Variants in NALCN observed in about 807,000 individuals in gnomAD.
The protein encoded by NALCN is sodium leak channel NALCN.
Under a neutral mutation model 225.3 loss-of-function variants are expected in NALCN, and 111 were observed. That is an observed-to-expected ratio of 0.49 (90% CI 0.42 to 0.58). The LOEUF (loss-of-function observed/expected upper bound fraction) is 0.58. Ranked by LOEUF, NALCN falls within the 20% of genes least tolerant of loss-of-function variation. The pLI is 0.00. For missense variants in NALCN, 1,378 were observed against 2,202.4 expected, an observed-to-expected ratio of 0.63 and a Z score of 7.49; for synonymous variants, 764 against 769.0, an observed-to-expected ratio of 0.99 and a Z score of 0.11.
At chr13:101,131,077 T>C (rs377569209) in intron 17 of NALCN, among the ~76,000 whole-genome samples, 2 of 152,274 alleles carry the variant, frequency 1.3e-5, no homozygotes, top group African/African-American at 4.8e-5. Flanking sequence ...TTCTCACTTT[T>C]GAATCATCTG....
At chr13:101,203,294 C>T (rs544994784) in intron 13 of NALCN, among the ~76,000 whole-genome samples, 1 of 152,320 alleles carries the variant, frequency 6.6e-6, no homozygotes, top group Non-Finnish European at 1.5e-5. Flanking sequence ...TGGCTCACTG[C>T]AACCTCCACC....
At chr13:101,298,388 C>T (rs1237365944) in intron 7 of NALCN, among the ~76,000 whole-genome samples, 4 of 150,460 alleles carry the variant, frequency 2.7e-5, no homozygotes, top group Admixed American at 2.0e-4. Flanking sequence ...GTGGCTTGAT[C>T]TCAACGCACT....
chr13:101,179,237 C>T (rs2039090142), intron 14 of NALCN, among the ~76,000 whole-genome samples: 1 of 152,176 alleles, frequency 6.6e-6, no homozygotes, highest in Non-Finnish European at 1.5e-5. Flanking sequence ...CACGTGGCAA[C>T]TGCCAGCCCA....
intron 3 of NALCN, 131 bp downstream of exon 3, chr13:101,395,051 TA>T (rs1555346190): frequency 1.2e-6 from 1 of 834,282 alleles, no homozygotes; most frequent in Non-Finnish European, 1.7e-6. Flanking sequence ...TATGCCTTTT[TA>T]AAAAGGACTT....
chr13:101,177,157 T>C (rs1409092883), intron 14 of NALCN, among the ~76,000 whole-genome samples: 7 of 152,104 alleles, frequency 4.6e-5, no homozygotes, highest in African/African-American at 1.2e-4. Context: ...AAAGAGGCAC[T>C]CCAGCCCTAG....
At position 101,331,599 on chromosome 13, in the gene NALCN, T is replaced by C. The variant is rs574127640; in HGVS notation, c.799+13667A>G. Among the ~76,000 whole-genome samples the C allele has an allele frequency of 5.9e-5, 9 of 152,218 alleles. No individual in the cohort carries two copies. The East Asian group carries it at 1.5e-3, about 26-fold the overall frequency. On this transcript the variant is annotated intron_variant, in intron 7 of 43. Coordinates refer to ENST00000251127, the MANE Select transcript of NALCN (RefSeq NM_052867.4). Reference sequence around the variant, plus strand: ...TTTGGGTACACACTGTGAAGAACTATCCACTTTTAACTGTTGCACCTTGAG... The same window carrying C: ...TTTGGGTACACACTGTGAAGAACTACCCACTTTTAACTGTTGCACCTTGAG...
chr13:101,105,061 C>A, intron 22 of NALCN, 111 bp from the exon 23 acceptor site: 2 of 832,384 alleles, frequency 2.4e-6, no homozygotes, highest in Non-Finnish European at 3.9e-6. Flanking sequence ...TACAGCCTCT[C>A]TACAATGTCC....
At chr13:101,273,895 A>G (rs2042886176) in intron 10 of NALCN, among the ~76,000 whole-genome samples, 1 of 151,648 alleles carries the variant, frequency 6.6e-6, no homozygotes, top group African/African-American at 2.4e-5. Flanking sequence ...AAAAAAAAAA[A>G]AAAAAAAAAA....
At chr13:101,366,211 C>T (rs1310985127) in intron 6 of NALCN, among the ~76,000 whole-genome samples, 7 of 152,142 alleles carry the variant, frequency 4.6e-5, no homozygotes, top group Non-Finnish European at 8.8e-5. Context: ...TGCCTTAGGT[C>T]TCCATTCATT....
chr13:101,240,795 T>C (rs114510964), intron 11 of NALCN, among the ~76,000 whole-genome samples: 2,257 of 152,294 alleles, frequency 0.015, 23 homozygotes, highest in South Asian at 0.028. Context: ...TAACCTTTAA[T>C]TCACTGAGGC....
chr13:101,271,255 T>C (rs957434294), intron 10 of NALCN, among the ~76,000 whole-genome samples: 17 of 151,966 alleles, frequency 1.1e-4, no homozygotes. Flanking sequence ...GGTCATCTGG[T>C]GTCTATTCTA....
At chr13:101,106,470 T>C (rs2035107701) in intron 22 of NALCN, among the ~76,000 whole-genome samples, 1 of 152,190 alleles carries the variant, frequency 6.6e-6, no homozygotes, top group Non-Finnish European at 1.5e-5. Context: ...AGTTTTCTCA[T>C]TTCCTCCATG....
chr13:101,396,218 C>T (rs1327964806), intron 2 of NALCN, among the ~76,000 whole-genome samples: 3 of 151,932 alleles, frequency 2.0e-5, no homozygotes, highest in Non-Finnish European at 2.9e-5. Context: ...ACAGGACATA[C>T]AATCACTCAT....
At chr13:101,336,850 G>C (rs567171105) in intron 7 of NALCN, among the ~76,000 whole-genome samples, 1 of 152,174 alleles carries the variant, frequency 6.6e-6, no homozygotes, top group Admixed American at 6.5e-5. Context: ...AATGCATGTA[G>C]CTATACATTA....
In NALCN at chr13:101,107,548, C is replaced by T. The variant is rs1487001387; in HGVS notation, c.2518G>A (p.Val840Ile). 1 of 1,614,152 alleles carries T rather than the reference C, an allele frequency of 6.2e-7. No homozygotes were observed. The highest frequency in any genetic ancestry group is 8.5e-7 in the Non-Finnish European group (1 of 1,179,998). The change falls in exon 22 of 44, where the codon GTC becomes ATC. Residue 840 changes from valine to isoleucine, a missense_variant. By Grantham distance (29) the Val-to-Ile change is conservative (BLOSUM62 3). Around this residue, in one of 19 missense-constraint regions of NALCN, gnomAD observed 292 missense variants for 409.5 expected, o/e 0.71. Coordinates refer to ENST00000251127, the MANE Select transcript of NALCN (RefSeq NM_052867.4). ...HPYFDKPLFIVGREHRFRNFC... is the reference protein window; with the variant it reads ...HPYFDKPLFIIGREHRFRNFC... ...TTTCTGAACCTGTGTTCTCGCCCGA[C>T]AATGAACAGTGGCTTATCGAAGTAT...
At chr13:101,209,421 G>A (rs114852511) in intron 13 of NALCN, among the ~76,000 whole-genome samples, 303 of 152,184 alleles carry the variant, frequency 2.0e-3, no homozygotes, top group African/African-American at 7.0e-3. Flanking sequence ...CGCTTGGTCC[G>A]GGATTCTGGG....
chr13:101,399,309 T>G (rs999540168), intron 1 of NALCN, 144 bp from the exon 2 acceptor site: 11 of 477,340 alleles, frequency 2.3e-5, no homozygotes, highest in African/African-American at 2.0e-4. Context: ...AATAGAAACT[T>G]TAAAAGGATG....
Position 101,089,205 on chromosome 13 carries a change from CT to C in NALCN, c.3489+457del, listed in dbSNP as rs915309261. 2.0e-5 allele frequency among the ~76,000 whole-genome samples: 3 copies of C among 152,116 alleles called. No homozygotes were observed. The highest frequency in any genetic ancestry group is 4.8e-5 in the African/African-American group (2 of 41,418). ...GAGCCACCATGCCCTGCCACAAAAT[CT>C]TTTTTTCTGTGAATTAGGATTTTGA... On this transcript the variant is annotated intron_variant, in intron 30 of 43. Coordinates refer to ENST00000251127, the MANE Select transcript of NALCN (RefSeq NM_052867.4). This position sits in a 1 kb window ranked among gnomAD's most constrained non-coding sequence, Gnocchi z 4.7.
At chr13:101,373,323 C>T (rs1199867367) in intron 6 of NALCN, among the ~76,000 whole-genome samples, 2 of 152,042 alleles carry the variant, frequency 1.3e-5, no homozygotes, top group Non-Finnish European at 2.9e-5. Flanking sequence ...CAGCATTACC[C>T]GGATTTCAAG....
Sources: allele counts gnomAD v4.1 joint callset (sites outside exome capture counted in the v4.1 genomes callset), GRCh38; gene constraint gnomAD v4.1.1; regional missense constraint gnomAD v4.1.1; non-coding constraint Gnocchi (gnomAD v3.1); transcripts MANE v1.5; gene names NCBI Gene and HGNC (gene_info 2026-07-23, HGNC 2026-07-21).